CWH43: variants seen among roughly 807,000 people sequenced by gnomAD.
CWH43 encodes PGAP2-interacting protein.
A neutral mutation model predicts 85.7 loss-of-function variants in CWH43; 91 were observed. The ratio of observed to expected loss-of-function variants is 1.06; its 90% confidence interval spans 0.90 to 1.26. The LOEUF (loss-of-function observed/expected upper bound fraction) is 1.26, where lower values mean the gene tolerates loss of function less well. Ranked by LOEUF, CWH43 falls within the 50% of genes most tolerant of loss-of-function variation. The pLI is 0.00. For missense variants in CWH43, 869 were observed against 839.2 expected (o/e 1.04, Z -0.44); for synonymous variants, 323 against 293.6 (o/e 1.10, Z -1.02).
intron 4 of CWH43, among the ~76,000 whole-genome samples, chr4:48,993,974 C>T (rs1484179277): frequency 1.3e-5 from 2 of 151,800 alleles, no homozygotes; most frequent in Non-Finnish European, 2.9e-5. Context: ...GTTGGCCAGG[C>T]TGGTTTCAAA....
intron 6 of CWH43, among the ~76,000 whole-genome samples, chr4:49,000,431 G>A (rs559767185): frequency 2.1e-4 from 32 of 152,182 alleles, no homozygotes; most frequent in Non-Finnish European, 2.4e-4. Context: ...GTGGAGGTTT[G>A]TGTGTACCTA....
chr4:49,005,563 C>CTTT (rs1267997352), intron 7 of CWH43, among the ~76,000 whole-genome samples: 2 of 127,942 alleles, frequency 1.6e-5, no homozygotes, highest in South Asian at 2.6e-4. Flanking sequence ...TTTTTTTTTT[C>CTTT]TTTTTTTTTT....
rs767485596 is a variant in CWH43, at chr4:48,992,213, T to G, written c.511+123T>G. 1.2e-6 allele frequency: 1 copy of G among 851,606 alleles called. No individual in the cohort carries two copies. Among genetic ancestry groups the G allele is most frequent in the Non-Finnish European group, 1.8e-6 (1 of 561,402 alleles). The allele number at this position is 851,606 out of a possible 1,614,324, so 52.8% of individuals were successfully genotyped here. Reference sequence around the variant, plus strand: ...TGCATTATATCTATATTTCAGCTTTTTCTTCCTCTGAAATAATAATTGGTG... The same window carrying G: ...TGCATTATATCTATATTTCAGCTTTGTCTTCCTCTGAAATAATAATTGGTG... On this transcript the variant is annotated intron_variant, in intron 4 of 15. Transcript: ENST00000226432. This position sits in a 1 kb window ranked among gnomAD's most constrained non-coding sequence, Gnocchi z 4.3.
In CWH43 at chr4:49,002,540, C is replaced by T. The variant is rs147515412; in HGVS notation, c.803-1195C>T. ...CAGAAATATTGGCTGTGGTTATCTC[C>T]GTCTTAGACAATCCTTAATTGCTTC... is the stretch of plus-strand genomic sequence containing the variant. On this transcript the variant is annotated intron_variant, in intron 6 of 15. Transcript: ENST00000226432. Among the ~76,000 whole-genome samples the T allele has an allele frequency of 1.1e-3, 163 of 152,228 alleles. 1 individual carries two copies. The highest frequency in any genetic ancestry group is 3.7e-3 in the African/African-American group (154 of 41,536).
intron 13 of CWH43, among the ~76,000 whole-genome samples, chr4:49,040,148 T>G (rs1220325201): frequency 6.6e-6 from 1 of 152,202 alleles, no homozygotes; most frequent in Non-Finnish European, 1.5e-5. Flanking sequence ...TCTATCATTG[T>G]TGGACATTTG....
chr4:49,038,830 G>T (rs1380867930), intron 13 of CWH43, among the ~76,000 whole-genome samples: 1 of 151,732 alleles, frequency 6.6e-6, no homozygotes, highest in Non-Finnish European at 1.5e-5. Context: ...AGGCTGAGGC[G>T]GGCGGATCAC....
chr4:48,995,653 T>TC (rs1782789127), intron 5 of CWH43, among the ~76,000 whole-genome samples: 1 of 152,150 alleles, frequency 6.6e-6, no homozygotes, highest in African/African-American at 2.4e-5. Flanking sequence ...ATGTTCTTCT[T>TC]CCCCCATTCC....
rs567950623 is a variant in CWH43 at position 48,991,489 on chromosome 4, C to T, written c.271C>T (p.Leu91Phe). ...CTCCTTCCAGGCTCCAAATGCCAAA[C>T]TTCGACTGATGGTTCTTGCGCTTGG... Reference protein sequence around the residue: ...IASFQAPNAKLRLMVLALGVS... With the variant: ...IASFQAPNAKFRLMVLALGVS... Residue 91 changes from leucine to phenylalanine, a missense_variant, in exon 3 of 16, where the codon CTT becomes TTT. Physicochemically the swap from Leu to Phe is conservative, Grantham distance 22. Coordinates refer to ENST00000226432, the MANE Select transcript of CWH43 (RefSeq NM_025087.3). The T allele has an allele frequency of 2.5e-6, 4 of 1,614,072 alleles. No homozygotes were observed. The African/African-American group carries it at 4.0e-5, about 16-fold the overall frequency.
In CWH43 at chr4:49,017,216, A is replaced by T. The variant is rs760144967; in HGVS notation, c.1187-33A>T. 215 of 1,557,350 alleles carry T rather than the reference A, an allele frequency of 1.4e-4. 1 individual carries two copies. Among genetic ancestry groups the T allele is most frequent in the Admixed American group, 4.5e-4 (25 of 55,628 alleles). On this transcript the variant is annotated intron_variant, in intron 8 of 15. Transcript: ENST00000226432. The stretch of plus-strand genomic sequence containing the variant: ...AAATTTATTTTATTTTATTTATTTT[A>T]AAAAAACCCAATTATTTCTTTTTTC...
intron 15 of CWH43, among the ~76,000 whole-genome samples, chr4:49,052,140 A>G (rs956018618): frequency 2.0e-5 from 3 of 152,144 alleles, no homozygotes; most frequent in Non-Finnish European, 4.4e-5. Flanking sequence ...AAATTGTACC[A>G]AAGTGTAGGT....
At chr4:48,989,304 G>A (rs1159434062) in intron 2 of CWH43, among the ~76,000 whole-genome samples, 1 of 152,118 alleles carries the variant, frequency 6.6e-6, no homozygotes, top group Non-Finnish European at 1.5e-5. Flanking sequence ...AAGTAGATTG[G>A]CAAAGAACAG....
At chr4:48,988,932 C>T (rs368798286) in intron 2 of CWH43, among the ~76,000 whole-genome samples, 1 of 152,152 alleles carries the variant, frequency 6.6e-6, no homozygotes, top group Non-Finnish European at 1.5e-5. Flanking sequence ...AAGAACTGAT[C>T]AGCTCTTGAA....
intron 13 of CWH43, among the ~76,000 whole-genome samples, chr4:49,038,507 G>A (rs563476532): frequency 2.1e-4 from 32 of 152,198 alleles, no homozygotes; most frequent in South Asian, 6.2e-4. Flanking sequence ...CTGGTTCCTC[G>A]CCATGGGCTA....
chr4:49,049,651 C>T (rs771034211), intron 14 of CWH43, among the ~76,000 whole-genome samples: 6 of 152,092 alleles, frequency 3.9e-5, no homozygotes, highest in Non-Finnish European at 5.9e-5. Flanking sequence ...GGAGTTGGCC[C>T]GCAAAACACC....
chr4:49,045,600 C>G (rs1036099980), intron 14 of CWH43, among the ~76,000 whole-genome samples: 3 of 152,106 alleles, frequency 2.0e-5, no homozygotes, highest in African/African-American at 7.2e-5. Flanking sequence ...AGCCTAGGAG[C>G]AATAGGCCAT....
chr4:49,042,675 G>A (rs191475679), intron 13 of CWH43, among the ~76,000 whole-genome samples: 19 of 152,224 alleles, frequency 1.2e-4, no homozygotes, highest in African/African-American at 3.6e-4. Context: ...AAGTGCAGAA[G>A]GAAGACCAAA....
intron 15 of CWH43, among the ~76,000 whole-genome samples, chr4:49,057,719 T>C (rs1186323685): frequency 6.6e-6 from 1 of 152,154 alleles, no homozygotes. Context: ...GTTATTGGAG[T>C]CCCCTACTAC....
chr4:49,013,500 C>T (rs1484296616), intron 8 of CWH43, among the ~76,000 whole-genome samples: 8 of 152,358 alleles, frequency 5.3e-5, no homozygotes, highest in Non-Finnish European at 1.0e-4. Flanking sequence ...GGGCTGTGCC[C>T]ACTGTGCAAC....
intron 5 of CWH43, among the ~76,000 whole-genome samples, chr4:48,996,241 T>A (rs561976591): frequency 6.6e-6 from 1 of 152,292 alleles, no homozygotes; most frequent in East Asian, 1.9e-4. Context: ...TCCTCCTTTA[T>A]GCCACATACT....
Sources: allele counts gnomAD v4.1 joint callset (sites outside exome capture counted in the v4.1 genomes callset), GRCh38; gene constraint gnomAD v4.1.1; non-coding constraint Gnocchi (gnomAD v3.1); transcripts MANE v1.5; gene names NCBI Gene and HGNC (gene_info 2026-07-23, HGNC 2026-07-21).